The following SPNS3 variants were observed in gnomAD, a reference collection of about 807,000 sequenced individuals.
SPNS3 encodes the protein SPNS lysolipid transporter 3, sphingosine-1-phosphate (putative).
Under a neutral mutation model 54.4 loss-of-function variants are expected in SPNS3, and 51 were observed. The observed-to-expected ratio is 0.94, with a 90% CI of 0.75 to 1.18. SPNS3 has a LOEUF of 1.18. SPNS3 is among the 50% of genes most tolerant of loss of function. SPNS3 has a pLI of 0.00. For synonymous variants in SPNS3, 309 were observed against 294.7 expected (o/e 1.05, Z -0.50); for missense variants, 669 against 677.4 (o/e 0.99, Z 0.14).
chr17:4,449,373 C>T lies in SPNS3; in HGVS notation c.909C>T (p.Cys303=), dbSNP rs201283218. 1.7e-5 allele frequency: 28 copies of T among 1,601,262 alleles called. 1 individual carries two copies. Among genetic ancestry groups the T allele is most frequent in the Middle Eastern group, 3.3e-4 (2 of 6,044 alleles). ...AGCCTCCCTGCTTCCAGGAGCCGTGCAGCAACCCCGACAGGTGAGGGCATC... is the reference window on the plus strand; with the variant it reads ...AGCCTCCCTGCTTCCAGGAGCCGTGTAGCAACCCCGACAGGTGAGGGCATC... ...GLQPPCFQEP[C]SNPDSLIFGA... The change falls in exon 7 of 12, where the codon TGC becomes TGT. Residue 303 remains cysteine, a synonymous_variant. Transcript: ENST00000355530.
intron 2 of SPNS3, among the ~76,000 whole-genome samples, chr17:4,442,717 T>C (rs1270199452): frequency 6.6e-6 from 1 of 152,176 alleles, no homozygotes; most frequent in Non-Finnish European, 1.5e-5. Flanking sequence ...AATATCAACT[T>C]ATTTAATCTT....
At chr17:4,444,676 A>T (rs1466172142) in intron 2 of SPNS3, among the ~76,000 whole-genome samples, 2 of 151,988 alleles carry the variant, frequency 1.3e-5, no homozygotes, top group Non-Finnish European at 2.9e-5. Context: ...GTGTGTTTGT[A>T]AAGCCGGGAA....
At chr17:4,468,104 G>A (rs1259794146) in intron 8 of SPNS3, among the ~76,000 whole-genome samples, 2 of 152,174 alleles carry the variant, frequency 1.3e-5, no homozygotes, top group Non-Finnish European at 2.9e-5. Flanking sequence ...TATGGACCAC[G>A]TGGTTTAACA....
intron 3 of SPNS3, among the ~76,000 whole-genome samples, chr17:4,445,566 AGG>A (rs1970962705): frequency 6.6e-6 from 1 of 151,996 alleles, no homozygotes; most frequent in South Asian, 2.1e-4. Context: ...TAGTAGAGAC[AGG>A]GTTTCACCAT....
At chr17:4,454,922 C>CTTT (rs35746719) in intron 8 of SPNS3, among the ~76,000 whole-genome samples, 4 of 147,106 alleles carry the variant, frequency 2.7e-5, no homozygotes, top group Non-Finnish European at 6.0e-5. Context: ...TGCACCCAGC[C>CTTT]TTTTTTTTTG....
chr17:4,454,983 A>G lies in SPNS3; in HGVS notation c.1113+1778A>G, dbSNP rs538292563. Among the ~76,000 whole-genome samples, 735 of 150,624 alleles carry G rather than the reference A, an allele frequency of 4.9e-3. 2 individuals carry two copies. Among genetic ancestry groups the G allele is most frequent in the African/African-American group, 0.017 (694 of 40,908 alleles). ...GGCTGGAGTGCGGTGGCGCGATCTCAGCTCACGGTAACCTCCGCCTCCTGG... is the reference window on the plus strand; with the variant it reads ...GGCTGGAGTGCGGTGGCGCGATCTCGGCTCACGGTAACCTCCGCCTCCTGG... On this transcript the variant is annotated intron_variant, in intron 8 of 11. Coordinates refer to ENST00000355530, the MANE Select transcript of SPNS3 (RefSeq NM_182538.5).
chr17:4,458,868 C>T (rs1196770104), intron 8 of SPNS3, among the ~76,000 whole-genome samples: 2 of 151,888 alleles, frequency 1.3e-5, no homozygotes, highest in Non-Finnish European at 2.9e-5. Context: ...AAAAGCCTCG[C>T]ATGGCTCCCT....
chr17:4,468,282 AAAAC>A (rs970462668), intron 8 of SPNS3, among the ~76,000 whole-genome samples: 15 of 152,222 alleles, frequency 9.9e-5, no homozygotes, highest in African/African-American at 3.1e-4. Flanking sequence ...AAAAATTAAA[AAAAC>A]AAACAAAAAA....
chr17:4,462,848 C>CCAAT (rs1971572814), intron 8 of SPNS3, among the ~76,000 whole-genome samples: 1 of 26,334 alleles, frequency 3.8e-5, no homozygotes. Flanking sequence ...CAACCACGCA[C>CCAAT]CCACCCACCC....
At chr17:4,439,865 C>A in intron 2 of SPNS3, 142 bp downstream of exon 2, 1 of 709,798 alleles carries the variant, frequency 1.4e-6, no homozygotes. Flanking sequence ...GCCTGAGGGA[C>A]AGTCTAGGCA....
At chr17:4,485,329 G>T (rs1972281930) in intron 9 of SPNS3, 3 of 152,316 alleles carry the variant, frequency 2.0e-5, no homozygotes, top group South Asian at 4.1e-4. Flanking sequence ...TTTGCTCAAA[G>T]TCACACAGCT....
intron 8 of SPNS3, among the ~76,000 whole-genome samples, chr17:4,477,970 C>CTTTTTTTTTTTTTTTT (rs397837193): frequency 2.6e-4 from 25 of 97,600 alleles, no homozygotes; most frequent in African/African-American, 4.6e-4. Flanking sequence ...TTCACTTTTC[C>CTTTTTTTTTTTTTTTT]TTTTTTTTTT....
At chr17:4,476,527 G>T (rs1972005612) in intron 8 of SPNS3, among the ~76,000 whole-genome samples, 1 of 152,214 alleles carries the variant, frequency 6.6e-6, no homozygotes. Context: ...GAGAGGCCTG[G>T]AGGGCCAGGT....
At chr17:4,458,615 T>TTCTTTCTTTCTTTCTG (rs1971400254) in intron 8 of SPNS3, among the ~76,000 whole-genome samples, 1 of 114,854 alleles carries the variant, frequency 8.7e-6, no homozygotes, top group Non-Finnish European at 1.9e-5. Flanking sequence ...CTTTCTTTCT[T>TTCTTTCTTTCTTTCTG]TCTTTCTTTC....
intron 8 of SPNS3, among the ~76,000 whole-genome samples, chr17:4,454,610 CTTTTTTTTTTTT>C (rs55918406): frequency 5.2e-5 from 4 of 76,404 alleles, no homozygotes; most frequent in Non-Finnish European, 7.0e-5. Flanking sequence ...CCAAATAAAG[CTTTTTTTTTTTT>C]TTTTTTTTTT....
intron 11 of SPNS3, among the ~76,000 whole-genome samples, chr17:4,487,094 C>T (rs769647140): frequency 6.7e-6 from 1 of 149,974 alleles, no homozygotes; most frequent in Non-Finnish European, 1.5e-5. Context: ...ATCACTTGAA[C>T]CCGGGAGGCG....
chr17:4,476,656 G>A (rs1972009695), intron 8 of SPNS3, among the ~76,000 whole-genome samples: 1 of 152,140 alleles, frequency 6.6e-6, no homozygotes, highest in Admixed American at 6.5e-5. Context: ...AGCTGCCCGG[G>A]CCCCGCCTGA....
intron 9 of SPNS3, among the ~76,000 whole-genome samples, chr17:4,484,423 C>T (rs956222443): frequency 3.3e-5 from 5 of 152,152 alleles, no homozygotes; most frequent in Non-Finnish European, 5.9e-5. Context: ...CGGGTTCAAG[C>T]GATTCTCCTG....
chr17:4,439,327 G>A (rs758462543), intron 1 of SPNS3, among the ~76,000 whole-genome samples: 9 of 152,126 alleles, frequency 5.9e-5, no homozygotes, highest in African/African-American at 1.9e-4. Context: ...GTTTCACCAC[G>A]TTGACCATGG....
Sources: allele counts gnomAD v4.1 joint callset (sites outside exome capture counted in the v4.1 genomes callset), GRCh38; gene constraint gnomAD v4.1.1; transcripts MANE v1.5; gene names NCBI Gene and HGNC (gene_info 2026-07-23, HGNC 2026-07-21).